FAM168A: variants seen among roughly 807,000 people sequenced by gnomAD.
The protein encoded by FAM168A is protein FAM168A.
A neutral mutation model predicts 28.5 loss-of-function variants in FAM168A; 3 were observed. The ratio of observed to expected loss-of-function variants is 0.11; its 90% confidence interval spans 0.05 to 0.27. The LOEUF is 0.27. Among genes scored for constraint, FAM168A ranks in the 10% least tolerant of loss-of-function variants. The pLI is 1.00. For missense variants in FAM168A, 222 were observed against 311.5 expected, an observed-to-expected ratio of 0.71 and a Z score of 2.16; for synonymous variants, 122 against 124.2, an observed-to-expected ratio of 0.98 and a Z score of 0.12.
intron 2 of FAM168A, among the ~76,000 whole-genome samples, chr11:73,439,528 C>T (rs1209526924): frequency 6.6e-6 from 1 of 152,126 alleles, no homozygotes; most frequent in Non-Finnish European, 1.5e-5. Flanking sequence ...TGCTTAGACG[C>T]TAGTAATATA....
intron 1 of FAM168A, among the ~76,000 whole-genome samples, chr11:73,512,997 A>G (rs1215686221): frequency 6.6e-6 from 1 of 152,120 alleles, no homozygotes; most frequent in African/African-American, 2.4e-5. Flanking sequence ...AACATGCACT[A>G]TGTAAAGATA....
At chr11:73,440,134 C>T (rs955104688) in intron 2 of FAM168A, among the ~76,000 whole-genome samples, 3 of 152,116 alleles carry the variant, frequency 2.0e-5, no homozygotes, top group Non-Finnish European at 4.4e-5. Flanking sequence ...GATCTGCCTG[C>T]CTCGACCTCC....
chr11:73,479,956 T>C (rs1437815865), intron 1 of FAM168A, among the ~76,000 whole-genome samples: 2 of 152,232 alleles, frequency 1.3e-5, no homozygotes, highest in Non-Finnish European at 2.9e-5. Flanking sequence ...GTGGTTTTTT[T>C]CTTAATTCTA....
intron 1 of FAM168A, among the ~76,000 whole-genome samples, chr11:73,574,472 T>G (rs1022554235): frequency 8.5e-5 from 13 of 152,146 alleles, no homozygotes; most frequent in Non-Finnish European, 1.5e-5. Context: ...TTAAACAAAT[T>G]ACCTAGATGG....
chr11:73,526,887 A>C (rs964690920), intron 1 of FAM168A, among the ~76,000 whole-genome samples: 2 of 151,538 alleles, frequency 1.3e-5, no homozygotes, highest in African/African-American at 2.4e-5. Context: ...AAAAAAAAAA[A>C]AAAAAACGGA....
At chr11:73,509,839 A>T (rs1855185042) in intron 1 of FAM168A, among the ~76,000 whole-genome samples, 1 of 152,060 alleles carries the variant, frequency 6.6e-6, no homozygotes, top group African/African-American at 2.4e-5. Context: ...CATCTATGTA[A>T]ATTCAAATCC....
rs1867768624 is a variant in FAM168A at position 73,468,411 on chromosome 11, A to T, written c.64T>A (p.Tyr22Asn). ...APYGNPKNMA[Y>N]TGYPTAYPAA... is the part of the protein sequence containing the mutation. Reference sequence around the variant, plus strand: ...CCATTCTCACACTACTCACCCGTGTAGGCCATGTTCTTAGGGTTGCCATAA... The same window carrying T: ...CCATTCTCACACTACTCACCCGTGTTGGCCATGTTCTTAGGGTTGCCATAA... Residue 22 changes from tyrosine (Y) to asparagine (N), a missense_variant, in exon 2 of 8, where the codon TAC (tyrosine) becomes AAC (asparagine). Around this residue, in one of 3 missense-constraint regions of FAM168A, gnomAD observed 153 missense variants for 189.2 expected, o/e 0.81. Coordinates refer to ENST00000356467, the MANE Select transcript of FAM168A (RefSeq NM_015159.3). 7 of 1,613,982 alleles carry T rather than the reference A, an allele frequency of 4.3e-6. No individual in the cohort carries two copies. Among genetic ancestry groups the T allele is most frequent in the Admixed American group, 1.7e-5 (1 of 60,000 alleles).
At chr11:73,513,704 A>G (rs985130195) in intron 1 of FAM168A, among the ~76,000 whole-genome samples, 1 of 152,154 alleles carries the variant, frequency 6.6e-6, no homozygotes, top group African/African-American at 2.4e-5. Flanking sequence ...ATAAGCAAGA[A>G]TTCAACAAAT....
At chr11:73,576,009 T>A (rs1017111931) in intron 1 of FAM168A, among the ~76,000 whole-genome samples, 1 of 152,230 alleles carries the variant, frequency 6.6e-6, no homozygotes, top group East Asian at 1.9e-4. Context: ...CATAGGATAT[T>A]CCAAATATAA....
At chr11:73,488,194 G>A (rs913234646) in intron 1 of FAM168A, among the ~76,000 whole-genome samples, 4 of 150,884 alleles carry the variant, frequency 2.7e-5, no homozygotes, top group African/African-American at 4.9e-5. Flanking sequence ...GTCATGGCAC[G>A]ATCTTGGCTC....
chr11:73,430,431 G>A (rs1866967636), intron 3 of FAM168A: 2 of 412,412 alleles, frequency 4.8e-6, no homozygotes, highest in South Asian at 4.4e-5. Context: ...CTATGAGGAG[G>A]ATGCAGGTCT....
intron 1 of FAM168A, among the ~76,000 whole-genome samples, chr11:73,565,026 C>A (rs892171813): frequency 2.6e-5 from 4 of 152,150 alleles, no homozygotes; most frequent in African/African-American, 9.7e-5. Flanking sequence ...CTTTCCACTA[C>A]TAGGGTGGAG....
At chr11:73,592,495 TG>T (rs1944394209) in intron 1 of FAM168A, among the ~76,000 whole-genome samples, 1 of 152,238 alleles carries the variant, frequency 6.6e-6, no homozygotes, top group African/African-American at 2.4e-5. Flanking sequence ...AACTTTGAGT[TG>T]ATTTCTGTTA....
At chr11:73,571,278 G>A (rs1001506008) in intron 1 of FAM168A, among the ~76,000 whole-genome samples, 1 of 108,644 alleles carries the variant, frequency 9.2e-6, no homozygotes. Flanking sequence ...TCTTTCCACG[G>A]TCTCCCTCTG....
chr11:73,584,054 A>C (rs913405967), intron 1 of FAM168A, among the ~76,000 whole-genome samples: 1 of 152,164 alleles, frequency 6.6e-6, no homozygotes, highest in Non-Finnish European at 1.5e-5. Context: ...AAACACAGAA[A>C]TATATTTTTA....
chr11:73,544,810 C>A (rs1441846537), intron 1 of FAM168A, among the ~76,000 whole-genome samples: 22 of 86,824 alleles, frequency 2.5e-4, no homozygotes, highest in African/African-American at 7.7e-4. Context: ...AATTATATAT[C>A]ATATATAATA....
At chr11:73,466,076 A>T (rs751209357) in intron 2 of FAM168A, among the ~76,000 whole-genome samples, 4 of 152,206 alleles carry the variant, frequency 2.6e-5, no homozygotes, top group Non-Finnish European at 5.9e-5. Context: ...AGACTTCAAG[A>T]GAATTTCAAA....
chr11:73,570,733 CAAAA>C (rs1239311974), intron 1 of FAM168A, among the ~76,000 whole-genome samples: 1 of 92,996 alleles, frequency 1.1e-5, no homozygotes, highest in Non-Finnish European at 2.3e-5. Flanking sequence ...GATACTGTCT[CAAAA>C]AAAAAAAAAG....
At chr11:73,554,420 C>T (rs1943865601) in intron 1 of FAM168A, among the ~76,000 whole-genome samples, 3 of 151,510 alleles carry the variant, frequency 2.0e-5, no homozygotes, top group Admixed American at 6.6e-5. Context: ...AAAAAATACT[C>T]CAAAAGACTA....
Sources: gnomAD v4.1 joint callset for allele counts (sites outside exome capture counted in the v4.1 genomes callset) on GRCh38, gnomAD v4.1.1 for gene constraint, gnomAD v4.1.1 regional missense constraint, MANE v1.5 for transcripts, NCBI Gene and HGNC (gene_info 2026-07-23, HGNC 2026-07-21) for gene names.